The following SLC25A48 variants were observed in gnomAD, a reference collection of about 807,000 sequenced individuals.
The protein encoded by SLC25A48 is solute carrier family 25 member 48.
Under a neutral mutation model 32.2 loss-of-function variants are expected in SLC25A48, and 29 were observed. The observed-to-expected ratio is 0.90, with a 90% CI of 0.67 to 1.23. The LOEUF (loss-of-function observed/expected upper bound fraction) is 1.23. Among genes scored for constraint, SLC25A48 ranks in the 50% most tolerant of loss-of-function variants. The pLI is 0.00. For missense variants in SLC25A48, 399 were observed against 422.7 expected (o/e 0.94, Z 0.49); for synonymous variants, 164 against 172.3 (o/e 0.95, Z 0.38).
intron 1 of SLC25A48, among the ~76,000 whole-genome samples, chr5:135,600,017 C>T (rs1751756504): frequency 6.6e-6 from 1 of 152,190 alleles, no homozygotes; most frequent in South Asian, 2.1e-4. Flanking sequence ...TCCCCCCTCC[C>T]TTGGCCAACC....
Position 135,834,882 on chromosome 5 carries a change from G to A in SLC25A48, c.35G>A (p.Gly12Asp). 1 of 1,603,756 alleles carries A rather than the reference G, an allele frequency of 6.2e-7. No individual in the cohort carries two copies. Among genetic ancestry groups the A allele is most frequent in the Non-Finnish European group, 8.5e-7 (1 of 1,176,070 alleles). ...TTCCAGCTGGAAGACTTTGCGGCGGGCTGGATCGGAGGTGAGTGTGCTTAC... is the reference window on the plus strand; with the variant it reads ...TTCCAGCTGGAAGACTTTGCGGCGGACTGGATCGGAGGTGAGTGTGCTTAC... The part of the protein sequence containing the change: ...GSFQLEDFAA[G>D]WIGGAASVIV... Residue 12 changes from glycine to aspartate, a missense_variant, in exon 1 of 8, where the codon GGC (glycine) becomes GAC (aspartate). Transcript: ENST00000681962.
chr5:135,589,272 G>C (rs1148364), intron 1 of SLC25A48, among the ~76,000 whole-genome samples: 82,697 of 152,072 alleles, frequency 0.54, 22,881 homozygotes, highest in African/African-American at 0.64. Context: ...CTCAAAGAGT[G>C]TCTCTAGTTT....
intron 2 of SLC25A48, among the ~76,000 whole-genome samples, chr5:135,847,265 C>A (rs980413731): frequency 1.3e-5 from 2 of 152,204 alleles, no homozygotes; most frequent in African/African-American, 4.8e-5. Context: ...GAACCCAACA[C>A]TGAGGGCAGC....
chr5:135,805,441 G>A (rs1199985032), intron 3 of SLC25A48, among the ~76,000 whole-genome samples: 3 of 150,702 alleles, frequency 2.0e-5, no homozygotes, highest in East Asian at 3.9e-4. Flanking sequence ...CATCACAGTG[G>A]GTATACACGC....
At chr5:135,678,121 GT>G (rs1207888096) in intron 3 of SLC25A48, among the ~76,000 whole-genome samples, 2 of 152,026 alleles carry the variant, frequency 1.3e-5, no homozygotes, top group Non-Finnish European at 2.9e-5. Flanking sequence ...TATCCCTTTT[GT>G]TTTTTCTTCA....
chr5:135,795,561 T>C (rs1246943293), intron 3 of SLC25A48, among the ~76,000 whole-genome samples: 2 of 151,530 alleles, frequency 1.3e-5, no homozygotes, highest in East Asian at 1.9e-4. Flanking sequence ...GCATGTACAC[T>C]CCCCTCCCAC....
intron 3 of SLC25A48, among the ~76,000 whole-genome samples, chr5:135,806,519 G>A (rs1286728430): frequency 2.0e-5 from 3 of 150,472 alleles, no homozygotes; most frequent in Admixed American, 6.7e-5. Context: ...TTTTAACACT[G>A]GATATCATAA....
At chr5:135,750,217 C>T (rs568743427) in intron 3 of SLC25A48, among the ~76,000 whole-genome samples, 241 of 152,338 alleles carry the variant, frequency 1.6e-3, no homozygotes, top group African/African-American at 5.3e-3. Flanking sequence ...GAGCATCAGC[C>T]TTGCTTAGTT....
intron 2 of SLC25A48, among the ~76,000 whole-genome samples, chr5:135,631,573 A>G (rs1752571502): frequency 6.6e-6 from 1 of 152,242 alleles, no homozygotes; most frequent in African/African-American, 2.4e-5. Context: ...TGAAAGCTCC[A>G]GGGTGACCCA....
chr5:135,721,080 C>T (rs1011408786), intron 3 of SLC25A48, among the ~76,000 whole-genome samples: 5 of 151,462 alleles, frequency 3.3e-5, no homozygotes, highest in Admixed American at 2.6e-4. Flanking sequence ...CTCTCTCTGT[C>T]GCCCAGGCTG....
intron 3 of SLC25A48, among the ~76,000 whole-genome samples, chr5:135,795,776 A>G (rs1472778934): frequency 1.3e-5 from 2 of 150,282 alleles, no homozygotes; most frequent in Non-Finnish European, 3.0e-5. Flanking sequence ...TCTCCATATC[A>G]CTGGTGGTGT....
chr5:135,700,228 C>A (rs1263601271), intron 3 of SLC25A48, among the ~76,000 whole-genome samples: 1 of 151,528 alleles, frequency 6.6e-6, no homozygotes, highest in African/African-American at 2.4e-5. Flanking sequence ...AAAAATCAGC[C>A]GGGTCTGGTG....
At chr5:135,667,963 G>T (rs1279144744) in intron 3 of SLC25A48, among the ~76,000 whole-genome samples, 1 of 152,168 alleles carries the variant, frequency 6.6e-6, no homozygotes, top group African/African-American at 2.4e-5. Context: ...CTTTGTGACT[G>T]CTCTTTCCTG....
chr5:135,588,774 A>T (rs1580704117), intron 1 of SLC25A48, among the ~76,000 whole-genome samples: 1 of 152,132 alleles, frequency 6.6e-6, no homozygotes, highest in African/African-American at 2.4e-5. Flanking sequence ...GGCTGGTTTG[A>T]TGGGAGGTAG....
In SLC25A48 at chr5:135,783,812, C is replaced by T. The variant is rs1201832886; in HGVS notation, c.-520-28711C>T. 1.7e-5 allele frequency among the ~76,000 whole-genome samples: 2 copies of T among 118,574 alleles called. 1 individual carries two copies. Among genetic ancestry groups the T allele is most frequent in the Non-Finnish European group, 4.2e-5 (2 of 47,974 alleles). The allele number at this position is 118,574 out of a possible 152,430, so 77.8% of individuals were successfully genotyped here. ...ACCCTGTAATATCATTCCTAATATA[C>T]AGGAGAAGAATATATTAATTCCAAT... On this transcript the variant is annotated intron_variant, in intron 3 of 10. Transcript: ENST00000646290.
intron 1 of SLC25A48, among the ~76,000 whole-genome samples, chr5:135,616,948 G>A (rs988646356): frequency 2.0e-5 from 3 of 152,150 alleles, no homozygotes; most frequent in Admixed American, 1.3e-4. Flanking sequence ...TCTGGTTTTG[G>A]TATCAGGGTA....
chr5:135,801,069 A>G (rs1757310137), intron 3 of SLC25A48, among the ~76,000 whole-genome samples: 1 of 151,448 alleles, frequency 6.6e-6, no homozygotes, highest in African/African-American at 2.4e-5. Flanking sequence ...ATTACTCCCA[A>G]TATCTCAGGG....
chr5:135,843,851 T>A (rs1462566723), intron 2 of SLC25A48, among the ~76,000 whole-genome samples: 1 of 152,030 alleles, frequency 6.6e-6, no homozygotes, highest in East Asian at 1.9e-4. Flanking sequence ...CAAGGGAGAA[T>A]GGGATTGCAG....
chr5:135,699,945 G>A (rs1424423345), intron 3 of SLC25A48, among the ~76,000 whole-genome samples: 1 of 152,164 alleles, frequency 6.6e-6, no homozygotes. Context: ...GTCTCTGAGG[G>A]GTTACAAAGC....
Sources: allele counts gnomAD v4.1 joint callset (sites outside exome capture counted in the v4.1 genomes callset), GRCh38; gene constraint gnomAD v4.1.1; transcripts MANE v1.5; gene names NCBI Gene and HGNC (gene_info 2026-07-23, HGNC 2026-07-21).